TLK1: variants seen among roughly 807,000 people sequenced by gnomAD.
The protein encoded by TLK1 is tousled like kinase 1, also known as serine/threonine-protein kinase tousled-like 1.
TLK1 carries 24 observed loss-of-function variants against 105.3 expected under a neutral mutation model. That is an observed-to-expected ratio of 0.23 (90% CI 0.17 to 0.32). TLK1 has a LOEUF of 0.32. TLK1 is among the 10% of genes least tolerant of loss of function. The pLI is 1.00. For missense variants in TLK1, 558 were observed against 910.5 expected (o/e 0.61, Z 4.98); for synonymous variants, 321 against 310.4 (o/e 1.03, Z -0.36).
intron 1 of TLK1, among the ~76,000 whole-genome samples, chr2:171,219,601 C>T (rs539335202): frequency 6.6e-5 from 10 of 151,254 alleles, no homozygotes; most frequent in Non-Finnish European, 1.3e-4. Flanking sequence ...TCCCTCCCCC[C>T]ACCTTTTTTT....
intron 11 of TLK1, among the ~76,000 whole-genome samples, chr2:171,040,821 C>T (rs1283016887): frequency 6.6e-6 from 1 of 152,096 alleles, no homozygotes; most frequent in African/African-American, 2.4e-5. Context: ...AAGTGATCCT[C>T]CCGTCTCAGC....
intron 1 of TLK1, among the ~76,000 whole-genome samples, chr2:171,148,665 C>T (rs1441946889): frequency 6.6e-6 from 1 of 151,850 alleles, no homozygotes; most frequent in East Asian, 1.9e-4. Context: ...GGCAGATCAC[C>T]TGAGGTCAGG....
rs764065709 is a variant in TLK1, at chr2:171,160,252, G to A, written c.139+38C>T. The A allele has an allele frequency of 4.1e-6, 6 of 1,450,258 alleles. No individual in the cohort carries two copies. The East Asian group carries it at 1.5e-4, about 35-fold the overall frequency. The allele number at this position is 1,450,258 out of a possible 1,614,324, so 89.8% of individuals were successfully genotyped here. On this transcript the variant is annotated intron_variant, in intron 1 of 20. Transcript: ENST00000431350. This position sits in a 1 kb window ranked among gnomAD's most constrained non-coding sequence, Gnocchi z 4.4. The stretch of plus-strand genomic sequence containing the variant: ...GCGCGGGGGTCCGCGGCGCGGGAGA[G>A]GAGGCCCGCGAGCGGGCGCGGGCGC...
chr2:171,226,365 T>A (rs997409316), intron 1 of TLK1, among the ~76,000 whole-genome samples: 1 of 152,116 alleles, frequency 6.6e-6, no homozygotes, highest in Non-Finnish European at 1.5e-5. Flanking sequence ...TATTAGAAAT[T>A]TCAAACTGGC....
intron 3 of TLK1, among the ~76,000 whole-genome samples, chr2:171,076,896 G>C (rs778059644): frequency 2.0e-5 from 3 of 151,774 alleles, no homozygotes; most frequent in Middle Eastern, 6.8e-3. Context: ...CCTAGGCAAC[G>C]AGTGAGACTC....
chr2:171,082,797 C>T lies in TLK1; in HGVS notation c.314G>A (p.Ser105Asn). Residue 105 changes from serine (S) to asparagine (N), a missense_variant, in exon 3 of 21, where the codon AGT becomes AAT. By Grantham distance (46) the Ser-to-Asn change is conservative. Transcript: ENST00000431350. ...ATTACTTACCTCTGATTCTTTGTCACTTAAAGATCCCAAGCTTCCAAAACT... is the reference window on the plus strand; with the variant it reads ...ATTACTTACCTCTGATTCTTTGTCATTTAAAGATCCCAAGCTTCCAAAACT... The part of the protein sequence containing the change: ...NHSFGSLGSL[S>N]DKESETPEKK... 1 of 1,609,304 alleles carries T rather than the reference C, an allele frequency of 6.2e-7. No homozygotes were observed. Among genetic ancestry groups the T allele is most frequent in the Non-Finnish European group, 8.5e-7 (1 of 1,178,062 alleles).
At position 171,006,194 on chromosome 2, in the gene TLK1, A is replaced by G. The variant is rs1684646059; in HGVS notation, c.1857T>C (p.Tyr619=). 6.2e-7 allele frequency: 1 copy of G among 1,611,262 alleles called. No individual in the cohort carries two copies. The highest frequency in any genetic ancestry group is 1.7e-4 in the Middle Eastern group (1 of 6,048). The change falls in exon 18 of 21, where the codon TAT becomes TAC. Residue 619 remains tyrosine (Y), a synonymous_variant. Transcript: ENST00000431350. ...GLSKIMDDDS[Y]GVDGMDLTSQ... ...AAGTTAGATCCATTCCATCTACACC[A>G]TAGCTATCATCATCCATAATCTTGG... is the stretch of plus-strand genomic sequence containing the variant.
chr2:170,995,387 T>TC lies in TLK1; in HGVS notation c.2124+1265dup, dbSNP rs531704868. 1.2e-4 allele frequency among the ~76,000 whole-genome samples: 18 copies of TC among 152,082 alleles called. No homozygotes were observed. In the South Asian group the frequency reaches 2.7e-3, roughly 23 times the overall value. ...ATAATTGTATCATATTAATATTATA[T>TC]CCCCCCAACAACCCCTTAACCCTTC... On this transcript the variant is annotated intron_variant, in intron 20 of 20. Coordinates refer to ENST00000431350, the MANE Select transcript of TLK1 (RefSeq NM_012290.5).
At chr2:171,111,035 TG>T (rs1690136447) in intron 2 of TLK1, among the ~76,000 whole-genome samples, 1 of 151,566 alleles carries the variant, frequency 6.6e-6, no homozygotes, top group South Asian at 2.1e-4. Context: ...AAGTAAATTA[TG>T]AAGGCAGAAA....
In TLK1 at chr2:171,067,701, T is replaced by G. The variant is rs1688067072; in HGVS notation, c.331-6545A>C. Among the ~76,000 whole-genome samples the G allele has an allele frequency of 2.0e-5, 3 of 152,254 alleles. No homozygotes were observed. The South Asian group carries it at 6.2e-4, about 32-fold the overall frequency. ...ATAGGTATACACGTGCCAAGGTGGT[T>G]TGCTATAACCATCAACCTGTCATCT... On this transcript the variant is annotated intron_variant, in intron 3 of 20. Coordinates refer to ENST00000431350, the MANE Select transcript of TLK1 (RefSeq NM_012290.5).
intron 2 of TLK1, among the ~76,000 whole-genome samples, chr2:171,088,768 G>T (rs1689092922): frequency 6.6e-6 from 1 of 152,206 alleles, no homozygotes; most frequent in East Asian, 1.9e-4. Flanking sequence ...TAAAAACAAA[G>T]TGGGAGGAGG....
At chr2:171,009,815 G>A (rs988924775) in intron 14 of TLK1, among the ~76,000 whole-genome samples, 5 of 152,120 alleles carry the variant, frequency 3.3e-5, no homozygotes, top group Non-Finnish European at 7.3e-5. Context: ...CTAGCTGTCT[G>A]GCTTCAGAAC....
At chr2:171,037,810 A>G (rs1686445530) in intron 11 of TLK1, among the ~76,000 whole-genome samples, 1 of 152,206 alleles carries the variant, frequency 6.6e-6, no homozygotes, top group African/African-American at 2.4e-5. Flanking sequence ...ATTTGCCTGT[A>G]ACTGTCATTC....
chr2:171,205,497 A>G (rs965983484), intron 1 of TLK1, among the ~76,000 whole-genome samples: 4 of 151,800 alleles, frequency 2.6e-5, no homozygotes, highest in Admixed American at 6.6e-5. Flanking sequence ...TAATTTTTGT[A>G]TTTTTTTGTA....
intron 1 of TLK1, among the ~76,000 whole-genome samples, chr2:171,225,677 T>TATGAATGG (rs1693884918): frequency 6.6e-6 from 1 of 152,328 alleles, no homozygotes; most frequent in African/African-American, 2.4e-5. Flanking sequence ...ATACATTATT[T>TATGAATGG]ATGAATGGAT....
chr2:171,031,854 C>T (rs1055592497), intron 11 of TLK1, among the ~76,000 whole-genome samples: 2 of 152,158 alleles, frequency 1.3e-5, no homozygotes, highest in African/African-American at 2.4e-5. Flanking sequence ...GTCTTAAAGA[C>T]ATTCTGTTTA....
intron 11 of TLK1, among the ~76,000 whole-genome samples, chr2:171,031,921 G>C (rs183270412): frequency 2.0e-5 from 3 of 152,006 alleles, no homozygotes; most frequent in Admixed American, 2.0e-4. Flanking sequence ...TAGACTGTTA[G>C]AGGCACTTAA....
intron 11 of TLK1, among the ~76,000 whole-genome samples, chr2:171,044,909 T>C (rs1243054990): frequency 6.6e-6 from 1 of 151,984 alleles, no homozygotes; most frequent in Non-Finnish European, 1.5e-5. Context: ...TTAAGAAAAA[T>C]TTCAGTTAAG....
At chr2:171,104,499 C>T (rs1191190873) in intron 2 of TLK1, among the ~76,000 whole-genome samples, 1 of 152,048 alleles carries the variant, frequency 6.6e-6, no homozygotes, top group East Asian at 1.9e-4. Flanking sequence ...TCTACAGATT[C>T]AATGCAATTC....
Sources: gnomAD v4.1 joint callset for allele counts (sites outside exome capture counted in the v4.1 genomes callset) on GRCh38, gnomAD v4.1.1 for gene constraint, Gnocchi (gnomAD v3.1) non-coding constraint, MANE v1.5 for transcripts, NCBI Gene and HGNC (gene_info 2026-07-23, HGNC 2026-07-21) for gene names.